The following RAPGEF4 variants were observed in gnomAD, a reference collection of about 807,000 sequenced individuals.
The protein encoded by RAPGEF4 is RAP guanine-nucleotide-exchange factor (GEF) 4.
A neutral mutation model predicts 147.9 loss-of-function variants in RAPGEF4; 66 were observed. The observed-to-expected ratio is 0.45, with a 90% confidence interval of 0.37 to 0.55. The LOEUF (loss-of-function observed/expected upper bound fraction) is 0.55. RAPGEF4 is among the 20% of genes least tolerant of loss of function. RAPGEF4 has a pLI of 0.00. For missense variants in RAPGEF4, 1,071 were observed against 1,257.3 expected, an observed-to-expected ratio of 0.85 and a Z score of 2.24; for synonymous variants, 419 against 442.7, an observed-to-expected ratio of 0.95 and a Z score of 0.67.
chr2:172,762,552 C>T (rs1696447144), intron 1 of RAPGEF4, among the ~76,000 whole-genome samples: 1 of 152,188 alleles, frequency 6.6e-6, no homozygotes, highest in African/African-American at 2.4e-5. Flanking sequence ...CTGAGCTTGT[C>T]TATAAGAGGC....
chr2:172,874,275 T>A (rs569815720), intron 4 of RAPGEF4, among the ~76,000 whole-genome samples: 122 of 152,072 alleles, frequency 8.0e-4, no homozygotes, highest in Non-Finnish European at 1.6e-3. Flanking sequence ...ATACTTTAAG[T>A]TCTAGGATAC....
At chr2:172,785,325 A>G (rs373655552) in intron 1 of RAPGEF4, among the ~76,000 whole-genome samples, 22 of 152,360 alleles carry the variant, frequency 1.4e-4, no homozygotes, top group African/African-American at 5.1e-4. Flanking sequence ...AAGGCATGGA[A>G]AAATTTTAGT....
chr2:172,777,328 G>C (rs993792400), intron 1 of RAPGEF4, among the ~76,000 whole-genome samples: 3 of 151,714 alleles, frequency 2.0e-5, no homozygotes, highest in Non-Finnish European at 4.4e-5. Context: ...CTATAATCCA[G>C]ACATTGTTCT....
intron 4 of RAPGEF4, among the ~76,000 whole-genome samples, chr2:172,818,570 C>T (rs910116413): frequency 6.6e-6 from 1 of 152,054 alleles, no homozygotes; most frequent in African/African-American, 2.4e-5. Context: ...CTGGTGGGCT[C>T]ATTTCATGGC....
intron 29 of RAPGEF4, among the ~76,000 whole-genome samples, chr2:173,040,817 G>A (rs1360750698): frequency 6.6e-5 from 10 of 152,014 alleles, no homozygotes; most frequent in Non-Finnish European, 1.2e-4. Context: ...TATTTGGGGG[G>A]AACATAAAGG....
rs1388861541 is a variant in RAPGEF4, at chr2:172,991,024, A to G, written c.1490+99A>G. The G allele has an allele frequency of 4.6e-6, 4 of 866,664 alleles. No homozygotes were observed. The African/African-American group carries it at 6.7e-5, about 15-fold the overall frequency. 53.7% of individuals were successfully genotyped at this position (866,664 alleles called of 1,614,324 possible). ...AGCATGTTCTCCTTTTTTGTGGAAG[A>G]TGGCAGTGTATGTGACTTTTTTCCT... is the stretch of plus-strand genomic sequence containing the variant. On this transcript the variant is annotated intron_variant, in intron 15 of 30. Transcript: ENST00000397081.
chr2:172,790,498 A>G (rs1276274819), intron 1 of RAPGEF4, among the ~76,000 whole-genome samples: 1 of 152,186 alleles, frequency 6.6e-6, no homozygotes, highest in Non-Finnish European at 1.5e-5. Context: ...AAGGGAGAAG[A>G]AAGGAGCCTA....
chr2:172,758,774 TTGA>T (rs1402574313), intron 1 of RAPGEF4, among the ~76,000 whole-genome samples: 1 of 152,080 alleles, frequency 6.6e-6, no homozygotes, highest in Non-Finnish European at 1.5e-5. Flanking sequence ...CATGTTGAGT[TTGA>T]GATACCTATT....
At chr2:172,927,398 T>G (rs1179205501) in intron 6 of RAPGEF4, among the ~76,000 whole-genome samples, 1 of 152,188 alleles carries the variant, frequency 6.6e-6, no homozygotes, top group Non-Finnish European at 1.5e-5. Flanking sequence ...CAACATTTTA[T>G]CACTACAGAC....
chr2:172,818,406 T>C (rs886234985), intron 4 of RAPGEF4, among the ~76,000 whole-genome samples: 2 of 152,236 alleles, frequency 1.3e-5, no homozygotes, highest in Admixed American at 6.5e-5. Flanking sequence ...CAAGGTCAAC[T>C]GGATAAGGCC....
intron 11 of RAPGEF4, among the ~76,000 whole-genome samples, chr2:172,984,623 C>T (rs115736867): frequency 0.016 from 2,475 of 152,268 alleles, 71 homozygotes; most frequent in African/African-American, 0.056. Flanking sequence ...CTCCACAGGG[C>T]ATAGATGTAG....
chr2:173,050,175 C>T (rs1194027242), intron 30 of RAPGEF4, among the ~76,000 whole-genome samples: 1 of 152,182 alleles, frequency 6.6e-6, no homozygotes, highest in Non-Finnish European at 1.5e-5. Flanking sequence ...TGCTGGTAAA[C>T]AACAGCTGCT....
intron 6 of RAPGEF4, among the ~76,000 whole-genome samples, chr2:172,936,066 G>T (rs552913071): frequency 6.6e-6 from 1 of 152,072 alleles, no homozygotes; most frequent in Non-Finnish European, 1.5e-5. Flanking sequence ...TACTTATGTT[G>T]AATATTTGGA....
At chr2:172,997,830 CATTATT>C (rs1693520363) in intron 16 of RAPGEF4, among the ~76,000 whole-genome samples, 1 of 152,076 alleles carries the variant, frequency 6.6e-6, no homozygotes, top group Non-Finnish European at 1.5e-5. Flanking sequence ...TTGAAGATAT[CATTATT>C]ATTATTATAT....
At chr2:172,984,912 A>G (rs1242153173) in intron 11 of RAPGEF4, among the ~76,000 whole-genome samples, 1 of 151,204 alleles carries the variant, frequency 6.6e-6, no homozygotes, top group Non-Finnish European at 1.5e-5. Context: ...CGTAATTTGG[A>G]ATTTTTTTTT....
At chr2:172,800,775 A>T (rs528810374) in intron 3 of RAPGEF4, among the ~76,000 whole-genome samples, 2 of 152,296 alleles carry the variant, frequency 1.3e-5, no homozygotes, top group South Asian at 4.1e-4. Context: ...CATGGAGGGT[A>T]ATCAACTTTA....
chr2:172,814,468 A>G, intron 4 of RAPGEF4, 43 bp downstream of exon 4: 1 of 1,603,784 alleles, frequency 6.2e-7, no homozygotes, highest in Non-Finnish European at 8.5e-7. Flanking sequence ...AGTTTCAGAA[A>G]AGAAAGGGAG....
intron 27 of RAPGEF4, 76 bp from the exon 28 acceptor site, chr2:173,036,049 G>A (rs1683962195): frequency 3.7e-6 from 4 of 1,071,882 alleles, no homozygotes; most frequent in Non-Finnish European, 5.8e-6. Flanking sequence ...GGGGTGAAAG[G>A]CAGGTGTATT....
At chr2:172,934,499 G>A (rs1686336416) in intron 6 of RAPGEF4, among the ~76,000 whole-genome samples, 1 of 152,100 alleles carries the variant, frequency 6.6e-6, no homozygotes, top group Non-Finnish European at 1.5e-5. Context: ...TTTCTACTGT[G>A]TGCCATGTAG....
Sources: gnomAD v4.1 joint callset for allele counts (sites outside exome capture counted in the v4.1 genomes callset) on GRCh38, gnomAD v4.1.1 for gene constraint, MANE v1.5 for transcripts, NCBI Gene and HGNC (gene_info 2026-07-23, HGNC 2026-07-21) for gene names.